AEBP2: variants seen among roughly 807,000 people sequenced by gnomAD.
AEBP2 encodes zinc finger protein AEBP2.
A neutral mutation model predicts 50.8 loss-of-function variants in AEBP2; 10 were observed. That is an observed-to-expected ratio of 0.20 (90% CI 0.12 to 0.33). The LOEUF (loss-of-function observed/expected upper bound fraction) is 0.33, where lower values mean the gene tolerates loss of function less well. AEBP2 is among the 10% of genes least tolerant of loss of function. The probability of loss-of-function intolerance (pLI) is 1.00; values close to 1 mark genes in which losing one functional copy is unlikely to be tolerated. For missense variants in AEBP2, 570 were observed against 688.0 expected (o/e 0.83, Z 1.92); for synonymous variants, 296 against 261.3 (o/e 1.13, Z -1.28).
chr12:19,439,348 C>T (rs1237984770), upstream of AEBP2, among the ~76,000 whole-genome samples: 1 of 149,828 alleles, frequency 6.7e-6, no homozygotes, highest in Non-Finnish European at 1.5e-5. Flanking sequence ...TGGGAAGGCC[C>T]CGAGGAAACG....
At chr12:19,459,164 T>A (rs117760885) in intron 1 of AEBP2, among the ~76,000 whole-genome samples, 3,271 of 152,314 alleles carry the variant, frequency 0.021, 41 homozygotes, top group East Asian at 0.043. Flanking sequence ...TTTAAAATAT[T>A]TAAAGCAAGT....
chr12:19,450,495 T>C (rs1252481810), intron 1 of AEBP2, among the ~76,000 whole-genome samples: 2 of 145,858 alleles, frequency 1.4e-5, no homozygotes, highest in Non-Finnish European at 3.0e-5. Context: ...ACCAAAGAAC[T>C]TTTGCTTGTG....
intron 5 of AEBP2, among the ~76,000 whole-genome samples, chr12:19,509,584 A>C (rs996481506): frequency 6.6e-5 from 10 of 152,176 alleles, no homozygotes; most frequent in African/African-American, 2.4e-4. Context: ...CGTCTCTAGA[A>C]AAAATAAAAA....
chr12:19,433,881 C>G (rs1023066346), intron 1 of AEBP2, among the ~76,000 whole-genome samples: 5 of 152,022 alleles, frequency 3.3e-5, no homozygotes, highest in Admixed American at 1.3e-4. Context: ...GAGTCTCGCT[C>G]TGTCACCTAG....
At chr12:19,452,040 G>GC (rs1338821835) in intron 1 of AEBP2, among the ~76,000 whole-genome samples, 5 of 152,044 alleles carry the variant, frequency 3.3e-5, no homozygotes, top group Non-Finnish European at 5.9e-5. Context: ...ACAGGCATGC[G>GC]CCCCCACACC....
chr12:19,461,628 G>C (rs1305203764), intron 1 of AEBP2, among the ~76,000 whole-genome samples: 2 of 151,998 alleles, frequency 1.3e-5, no homozygotes, highest in African/African-American at 4.8e-5. Flanking sequence ...TCCTGCCTCA[G>C]CCTCCTGAGT....
At chr12:19,441,912 T>G (rs540290726) in intron 1 of AEBP2, among the ~76,000 whole-genome samples, 1 of 152,258 alleles carries the variant, frequency 6.6e-6, no homozygotes, top group Non-Finnish European at 1.5e-5. Flanking sequence ...TGCCTACCAC[T>G]GTACAAATTA....
intron 4 of AEBP2, among the ~76,000 whole-genome samples, chr12:19,497,326 G>GTTTTTTTTTTTTTTTT (rs1491166710): frequency 1.7e-5 from 1 of 60,244 alleles, no homozygotes; most frequent in African/African-American, 9.0e-5. Flanking sequence ...GTTTCCAAAG[G>GTTTTTTTTTTTTTTTT]TGTTTTTTTT....
intron 3 of AEBP2, among the ~76,000 whole-genome samples, chr12:19,481,322 T>G (rs1397068397): frequency 6.6e-6 from 1 of 151,910 alleles, no homozygotes; most frequent in African/African-American, 2.4e-5. Flanking sequence ...AGGCTCGTCT[T>G]GAACTGCTGA....
At chr12:19,491,995 A>G (rs899563550) in intron 3 of AEBP2, among the ~76,000 whole-genome samples, 2 of 151,234 alleles carry the variant, frequency 1.3e-5, no homozygotes, top group Non-Finnish European at 2.9e-5. Flanking sequence ...TTAGCAGCTT[A>G]CAATTGGTAG....
intron 1 of AEBP2, among the ~76,000 whole-genome samples, chr12:19,421,344 C>CAAAA (rs375160231): frequency 4.9e-5 from 4 of 82,350 alleles, no homozygotes; most frequent in Non-Finnish European, 6.7e-5. Flanking sequence ...GACTCTGTCT[C>CAAAA]AAAAAAAAAA....
intron 7 of AEBP2, 123 bp downstream of exon 7, chr12:19,514,907 C>A: frequency 1.2e-5 from 8 of 689,730 alleles, no homozygotes; most frequent in South Asian, 1.1e-4. Context: ...CTCATTACTT[C>A]CTGGCTTTTT....
chr12:19,440,349 G>A lies in AEBP2; in HGVS notation c.650G>A (p.Ser217Asn), dbSNP rs759181822. The A allele has an allele frequency of 1.4e-6, 2 of 1,470,848 alleles. No individual in the cohort carries two copies. Among genetic ancestry groups the A allele is most frequent in the Non-Finnish European group, 1.8e-6 (2 of 1,118,800 alleles). 91.1% of individuals were successfully genotyped at this position (1,470,848 alleles called of 1,614,324 possible). ...LEMSSDGEPL[S>N]RMDSEDSISS... The stretch of plus-strand genomic sequence containing the variant: ...ATGTCGTCGGATGGGGAACCCCTGA[G>A]CCGCATGGACTCGGAGGACAGGTCA... The change falls in exon 1 of 8, where the codon AGC becomes AAC. Residue 217 changes from serine to asparagine, a missense_variant. Transcript: ENST00000266508.
chr12:19,478,016 G>A (rs1948674753), intron 3 of AEBP2, among the ~76,000 whole-genome samples: 2 of 152,100 alleles, frequency 1.3e-5, no homozygotes, highest in Non-Finnish European at 2.9e-5. Flanking sequence ...GTATTTCTGT[G>A]GTATTGGTTG....
upstream of AEBP2, among the ~76,000 whole-genome samples, chr12:19,438,814 T>A (rs978129418): frequency 7.9e-5 from 12 of 152,158 alleles, no homozygotes; most frequent in Non-Finnish European, 1.5e-4. Flanking sequence ...AACTGTATTT[T>A]AAAAAAATGG....
intron 1 of AEBP2, among the ~76,000 whole-genome samples, chr12:19,448,854 A>G (rs1367362571): frequency 5.3e-5 from 8 of 151,628 alleles, no homozygotes; most frequent in Non-Finnish European, 1.2e-4. Flanking sequence ...TGCTTTTTTC[A>G]TTTTTTGTAG....
At chr12:19,456,520 A>T in intron 1 of AEBP2, 1 of 1,520,348 alleles carries the variant, frequency 6.6e-7, no homozygotes, top group South Asian at 1.1e-5. Context: ...AGCTCAGCAA[A>T]CTTGCATGCA....
At chr12:19,432,572 T>C (rs1490318949) in intron 1 of AEBP2, among the ~76,000 whole-genome samples, 1 of 152,050 alleles carries the variant, frequency 6.6e-6, no homozygotes, top group African/African-American at 2.4e-5. Context: ...CATGCACCTG[T>C]AGTACCAGCT....
rs1352435496 is a variant in AEBP2 at position 19,519,436 on chromosome 12, A to G, written c.*1319A>G. On this transcript the variant is annotated 3_prime_UTR_variant, in exon 8 of 8. Transcript: ENST00000266508. The stretch of plus-strand genomic sequence containing the variant: ...CTGTTAATATCTCTAAGAACAAAAC[A>G]CATTGAACATCCTTCCAGAAAGTCT... The G allele has an allele frequency of 6.6e-6, 1 of 152,582 alleles. No homozygotes were observed. The highest frequency in any genetic ancestry group is 1.5e-5 in the Non-Finnish European group (1 of 67,978). The allele number at this position is 152,582 out of a possible 1,614,324, so 9.5% of individuals were successfully genotyped here. A position where few individuals can be genotyped will look rare whatever the true frequency, so the allele number is the denominator to read the frequency against.
Sources: allele counts gnomAD v4.1 joint callset (sites outside exome capture counted in the v4.1 genomes callset), GRCh38; gene constraint gnomAD v4.1.1; transcripts MANE v1.5; gene names NCBI Gene and HGNC (gene_info 2026-07-23, HGNC 2026-07-21).